Variants in GRM7 observed in about 807,000 individuals in gnomAD.
GRM7 encodes the protein metabotropic glutamate receptor 7.
Under a neutral mutation model 84.5 loss-of-function variants are expected in GRM7, and 35 were observed. That is an observed-to-expected ratio of 0.41 (90% CI 0.32 to 0.55). GRM7 has a LOEUF of 0.55. Among genes scored for constraint, GRM7 ranks in the 20% least tolerant of loss-of-function variants. The pLI is 0.19. For missense variants in GRM7, 1,003 were observed against 1,194.6 expected (o/e 0.84, Z 2.36); for synonymous variants, 487 against 455.1 (o/e 1.07, Z -0.89).
At chr3:7,361,747 C>G (rs914311223) in intron 4 of GRM7, among the ~76,000 whole-genome samples, 1 of 152,042 alleles carries the variant, frequency 6.6e-6, no homozygotes, top group Non-Finnish European at 1.5e-5. Context: ...TCCACAAAGA[C>G]AGAAAGTGAA....
At chr3:7,689,508 T>C (rs1274853870) in intron 9 of GRM7, among the ~76,000 whole-genome samples, 2 of 152,192 alleles carry the variant, frequency 1.3e-5, no homozygotes, top group Non-Finnish European at 2.9e-5. Context: ...TTGGCATATT[T>C]CTCTCTGCCT....
At chr3:7,275,405 T>C (rs1465944440) in intron 2 of GRM7, among the ~76,000 whole-genome samples, 3 of 152,172 alleles carry the variant, frequency 2.0e-5, no homozygotes, top group Non-Finnish European at 4.4e-5. Context: ...AATAGGCCTT[T>C]ACTAATATGT....
chr3:7,020,814 C>T (rs1695750475), intron 1 of GRM7, among the ~76,000 whole-genome samples: 1 of 152,044 alleles, frequency 6.6e-6, no homozygotes, highest in South Asian at 2.1e-4. Flanking sequence ...CTGGGCAATT[C>T]ATTGTAAAAT....
chr3:6,901,604 TAAAAAAAA>T (rs33945077), intron 1 of GRM7, among the ~76,000 whole-genome samples: 61 of 40,500 alleles, frequency 1.5e-3, no homozygotes, highest in East Asian at 2.3e-3. Flanking sequence ...AGACTCCGTC[TAAAAAAAA>T]AAAAAAAAAA....
At chr3:7,009,451 T>C (rs1695297025) in intron 1 of GRM7, among the ~76,000 whole-genome samples, 1 of 152,226 alleles carries the variant, frequency 6.6e-6, no homozygotes, top group Non-Finnish European at 1.5e-5. Flanking sequence ...GCAGTAAGAA[T>C]AGGATTCTAA....
intron 4 of GRM7, among the ~76,000 whole-genome samples, chr3:7,413,647 A>G (rs17047286): frequency 0.046 from 7,075 of 152,180 alleles, 478 homozygotes; most frequent in African/African-American, 0.15. Context: ...ACCTGAACAC[A>G]TGATTGTTTT....
At position 7,185,542 on chromosome 3, in the gene GRM7, G is replaced by T. The variant is rs183176384; in HGVS notation, c.736+38874G>T. Among the ~76,000 whole-genome samples, 3 of 152,190 alleles carry T rather than the reference G, an allele frequency of 2.0e-5. No individual in the cohort carries two copies. In the East Asian group the frequency reaches 5.8e-4, roughly 29 times the overall value. On this transcript the variant is annotated intron_variant, in intron 2 of 9. Transcript: ENST00000357716. ...ATTAGATTTATGAGGCCATTTTGCT[G>T]CCAACCAATGATGGTGAGCCTATTA...
At chr3:6,884,045 T>G (rs766197993) in intron 1 of GRM7, among the ~76,000 whole-genome samples, 1 of 152,242 alleles carries the variant, frequency 6.6e-6, no homozygotes, top group Non-Finnish European at 1.5e-5. Flanking sequence ...AGATGACATT[T>G]AGTCCTCTAA....
At chr3:7,561,363 T>C (rs765517128) in intron 7 of GRM7, 3 of 337,030 alleles carry the variant, frequency 8.9e-6, no homozygotes, top group Non-Finnish European at 1.8e-5. Flanking sequence ...TGAGATCCTA[T>C]TGAGGGAAAG....
intron 1 of GRM7, among the ~76,000 whole-genome samples, chr3:6,966,263 G>A (rs778179556): frequency 3.3e-5 from 5 of 152,122 alleles, no homozygotes; most frequent in Non-Finnish European, 7.3e-5. Flanking sequence ...GTGTAGGCAG[G>A]AGGTGAAAGA....
At chr3:7,058,361 T>A (rs1420649198) in intron 1 of GRM7, among the ~76,000 whole-genome samples, 4 of 151,924 alleles carry the variant, frequency 2.6e-5, no homozygotes, top group East Asian at 3.9e-4. Context: ...AAAGTTTTTT[T>A]AACCATGTTA....
chr3:7,381,160 G>A (rs920611333), intron 4 of GRM7, among the ~76,000 whole-genome samples: 1 of 151,390 alleles, frequency 6.6e-6, no homozygotes, highest in African/African-American at 2.4e-5. Flanking sequence ...CTATTATTTA[G>A]TTAGTTTTTT....
intron 5 of GRM7, among the ~76,000 whole-genome samples, chr3:7,441,620 C>T (rs1697290907): frequency 6.6e-6 from 1 of 152,032 alleles, no homozygotes; most frequent in South Asian, 2.1e-4. Context: ...TTAAGTTTTA[C>T]ATTTAAGTTT....
chr3:7,257,429 T>C (rs73809039), intron 2 of GRM7, among the ~76,000 whole-genome samples: 5,104 of 152,242 alleles, frequency 0.034, 290 homozygotes, highest in African/African-American at 0.12. Flanking sequence ...ACAATCTGCT[T>C]ACCCCATACT....
intron 2 of GRM7, among the ~76,000 whole-genome samples, chr3:7,229,720 C>CATATATATATAT (rs1304811132): frequency 2.8e-4 from 4 of 14,236 alleles, no homozygotes; most frequent in African/African-American, 9.2e-4. Context: ...TCTCCATAGA[C>CATATATATATAT]ACACACATAT....
At chr3:7,621,730 A>G (rs995793311) in intron 8 of GRM7, among the ~76,000 whole-genome samples, 2 of 152,138 alleles carry the variant, frequency 1.3e-5, no homozygotes, top group Non-Finnish European at 2.9e-5. Context: ...GGTAGCTCAC[A>G]GCAATTACAG....
At chr3:7,677,771 T>G (rs1439411430) in intron 8 of GRM7, among the ~76,000 whole-genome samples, 1 of 152,198 alleles carries the variant, frequency 6.6e-6, no homozygotes, top group Non-Finnish European at 1.5e-5. Context: ...ACTGGGTACA[T>G]AGTCAAAAGA....
chr3:7,605,166 C>T (rs1696504766), intron 8 of GRM7, among the ~76,000 whole-genome samples: 1 of 152,036 alleles, frequency 6.6e-6, no homozygotes, highest in Non-Finnish European at 1.5e-5. Context: ...AATCCTTTTC[C>T]TCAGGGCCAT....
At chr3:7,574,478 A>C (rs1474287043) in intron 7 of GRM7, among the ~76,000 whole-genome samples, 1 of 152,186 alleles carries the variant, frequency 6.6e-6, no homozygotes, top group African/African-American at 2.4e-5. Flanking sequence ...TTTCTTGTTG[A>C]AAAATGGCTA....
Sources: gnomAD v4.1 joint callset for allele counts (sites outside exome capture counted in the v4.1 genomes callset) on GRCh38, gnomAD v4.1.1 for gene constraint, MANE v1.5 for transcripts, NCBI Gene and HGNC (gene_info 2026-07-23, HGNC 2026-07-21) for gene names.